PPARGC1A: variants seen among roughly 807,000 people sequenced by gnomAD.
PPARGC1A encodes the protein peroxisome proliferator-activated receptor gamma coactivator 1-alpha.
A neutral mutation model predicts 88.7 loss-of-function variants in PPARGC1A; 25 were observed. The observed-to-expected ratio is 0.28, with a 90% CI of 0.21 to 0.39. PPARGC1A has a LOEUF of 0.39. Among genes scored for constraint, PPARGC1A ranks in the 10% least tolerant of loss-of-function variants. PPARGC1A has a pLI of 1.00. For missense variants in PPARGC1A, 880 were observed against 968.7 expected (o/e 0.91, Z 1.22); for synonymous variants, 363 against 355.6 (o/e 1.02, Z -0.24).
At chr4:24,208,787 T>G in the PPARGC1A span, among the ~76,000 whole-genome samples, 1 of 151,646 alleles carries the variant, frequency 6.6e-6, no homozygotes, top group South Asian at 2.1e-4. Flanking sequence ...TATGTTATTA[T>G]CCTCATAATC....
the PPARGC1A span, among the ~76,000 whole-genome samples, chr4:24,401,304 C>T: frequency 6.6e-6 from 1 of 152,070 alleles, no homozygotes; most frequent in African/African-American, 2.4e-5. Context: ...AGGCGTGAGC[C>T]ACTGCGCCCG....
At chr4:24,134,251 T>A in the PPARGC1A span, among the ~76,000 whole-genome samples, 1 of 152,234 alleles carries the variant, frequency 6.6e-6, no homozygotes, top group Admixed American at 6.5e-5. Flanking sequence ...AAATTTTGAT[T>A]GATCCCACTA....
chr4:23,910,222 A>T, the PPARGC1A span, among the ~76,000 whole-genome samples: 12 of 87,858 alleles, frequency 1.4e-4, no homozygotes, highest in South Asian at 9.1e-4. Context: ...TATAATATAT[A>T]ATATATTATA....
the PPARGC1A span, among the ~76,000 whole-genome samples, chr4:24,109,019 CCACACACACACACACACCACACACA>C: frequency 7.1e-6 from 1 of 140,652 alleles, no homozygotes; most frequent in Admixed American, 7.1e-5. Context: ...CACACACACA[CCACACACACACACACACCACACACA>C]CACACACACA....
chr4:24,007,700 G>A, the PPARGC1A span, among the ~76,000 whole-genome samples: 2 of 152,120 alleles, frequency 1.3e-5, no homozygotes, highest in African/African-American at 4.8e-5. Flanking sequence ...AGATAGGGAG[G>A]GAGGGAGTCC....
chr4:24,362,860 C>T, the PPARGC1A span, among the ~76,000 whole-genome samples: 1 of 152,196 alleles, frequency 6.6e-6, no homozygotes. Flanking sequence ...ACAGGAGAGG[C>T]ATTCAAGCAC....
chr4:24,348,594 T>C, the PPARGC1A span, among the ~76,000 whole-genome samples: 1 of 152,200 alleles, frequency 6.6e-6, no homozygotes, highest in African/African-American at 2.4e-5. Flanking sequence ...TGTTCAATTC[T>C]ATTGCTGAGA....
the PPARGC1A span, among the ~76,000 whole-genome samples, chr4:24,281,280 G>A: frequency 1.8e-4 from 27 of 152,296 alleles, no homozygotes; most frequent in Middle Eastern, 3.4e-3. Context: ...AAGAAAAGAG[G>A]TTTATTTGGC....
At chr4:23,895,978 GTGTA>G (rs1417056266) in intron 1 of PPARGC1A, among the ~76,000 whole-genome samples, 1,017 of 40,626 alleles carry the variant, frequency 0.025, 6 homozygotes, top group African/African-American at 0.071. Flanking sequence ...GTGTGTGTGT[GTGTA>G]TATATATATA....
the PPARGC1A span, among the ~76,000 whole-genome samples, chr4:23,954,395 G>A: frequency 6.6e-6 from 1 of 151,762 alleles, no homozygotes; most frequent in Non-Finnish European, 1.5e-5. Context: ...GGACAATTTT[G>A]TTATTTATAA....
intron 7 of PPARGC1A, among the ~76,000 whole-genome samples, chr4:23,816,840 G>A (rs1458271771): frequency 6.6e-6 from 1 of 152,156 alleles, no homozygotes; most frequent in Non-Finnish European, 1.5e-5. Flanking sequence ...TGTGAATTAT[G>A]TCTTGTCTTT....
the PPARGC1A span, among the ~76,000 whole-genome samples, chr4:24,308,292 CGA>C: frequency 2.3e-3 from 28 of 11,992 alleles, no homozygotes; most frequent in East Asian, 5.4e-3. Flanking sequence ...ACTCTGCCAC[CGA>C]AAAAAAAAAA....
the PPARGC1A span, among the ~76,000 whole-genome samples, chr4:24,095,149 ACT>A: frequency 1.0e-4 from 13 of 128,488 alleles, no homozygotes; most frequent in African/African-American, 3.8e-4. Context: ...ACAGAGTCTC[ACT>A]CTGTCACCCA....
chr4:24,274,705 C>T, the PPARGC1A span, among the ~76,000 whole-genome samples: 2 of 152,156 alleles, frequency 1.3e-5, no homozygotes, highest in African/African-American at 4.8e-5. Flanking sequence ...AACTTGCCAA[C>T]CCTTGGTTTA....
the PPARGC1A span, among the ~76,000 whole-genome samples, chr4:24,340,542 G>A: frequency 6.6e-6 from 1 of 152,084 alleles, no homozygotes; most frequent in Non-Finnish European, 1.5e-5. Context: ...CATAAAGATA[G>A]ATAAAACATT....
the PPARGC1A span, among the ~76,000 whole-genome samples, chr4:23,944,634 G>A: frequency 1.3e-5 from 2 of 152,108 alleles, no homozygotes; most frequent in African/African-American, 2.4e-5. Flanking sequence ...CCCACATGTC[G>A]TGTGAGGCAC....
chr4:24,189,406 C>T, the PPARGC1A span, among the ~76,000 whole-genome samples: 3 of 152,048 alleles, frequency 2.0e-5, no homozygotes, highest in Non-Finnish European at 2.9e-5. Context: ...ATTCACTCTG[C>T]GCATGTAAAC....
At chr4:24,196,135 A>T in the PPARGC1A span, among the ~76,000 whole-genome samples, 2 of 152,230 alleles carry the variant, frequency 1.3e-5, no homozygotes, top group Non-Finnish European at 2.9e-5. Flanking sequence ...GTTGAATGCC[A>T]CCACCCTCAT....
the PPARGC1A span, among the ~76,000 whole-genome samples, chr4:24,412,330 C>T: frequency 6.6e-6 from 1 of 152,074 alleles, no homozygotes; most frequent in Non-Finnish European, 1.5e-5. Context: ...TCAAATTTCA[C>T]CCACCACCTA....
Sources: allele counts gnomAD v4.1 joint callset (sites outside exome capture counted in the v4.1 genomes callset), GRCh38; gene constraint gnomAD v4.1.1; transcripts MANE v1.5; gene names NCBI Gene and HGNC (gene_info 2026-07-23, HGNC 2026-07-21).